TSPAN11: variants seen among roughly 807,000 people sequenced by gnomAD.
The protein encoded by TSPAN11 is tetraspanin 11.
A neutral mutation model predicts 32.9 loss-of-function variants in TSPAN11; 29 were observed. That is an observed-to-expected ratio of 0.88 (90% CI 0.66 to 1.20). The LOEUF (loss-of-function observed/expected upper bound fraction) is 1.20, where lower values mean the gene tolerates loss of function less well. TSPAN11 is among the 50% of genes most tolerant of loss of function. The pLI is 0.00. For synonymous variants in TSPAN11, 140 were observed against 141.3 expected (o/e 0.99, Z 0.07); for missense variants, 283 against 329.1 (o/e 0.86, Z 1.08).
intron 3 of TSPAN11, among the ~76,000 whole-genome samples, chr12:30,977,964 T>C (rs1193175109): frequency 6.6e-6 from 1 of 152,144 alleles, no homozygotes; most frequent in African/African-American, 2.4e-5. Context: ...GTTGTCACAG[T>C]CCACGCTGGT....
At chr12:30,998,394 C>T (rs145239729), downstream of TSPAN11, among the ~76,000 whole-genome samples, 23 of 152,342 alleles carry the variant, frequency 1.5e-4, no homozygotes, top group African/African-American at 2.9e-4. Context: ...TGGGTGGGGA[C>T]GCTGGTTCCC....
At chr12:30,950,902 G>A (rs1223711908) in intron 1 of TSPAN11, among the ~76,000 whole-genome samples, 1 of 152,140 alleles carries the variant, frequency 6.6e-6, no homozygotes, top group Non-Finnish European at 1.5e-5. Context: ...TAATGATTAA[G>A]AATTTGATCT....
At position 30,981,285 on chromosome 12, in the gene TSPAN11, G is replaced by A. The variant is rs576780450; in HGVS notation, c.457-1247G>A. On this transcript the variant is annotated intron_variant, in intron 5 of 7. Transcript: ENST00000546076. ...GCACCCGGCCCTCCAGCAGCAGCAC[G>A]TGGATGTAAATGACAGAGACACACA... 2.8e-4 allele frequency among the ~76,000 whole-genome samples: 42 copies of A among 152,334 alleles called. 1 individual carries two copies. In the South Asian group the frequency reaches 7.5e-3, roughly 27 times the overall value.
chr12:30,954,250 G>A, intron 2 of TSPAN11, 175 bp downstream of exon 2: 1 of 626,162 alleles, frequency 1.6e-6, no homozygotes, highest in Non-Finnish European at 2.9e-6. Flanking sequence ...TACTGAGAAA[G>A]AAGAAAAGAA....
intron 3 of TSPAN11, among the ~76,000 whole-genome samples, chr12:30,974,928 C>T (rs553342441): frequency 1.3e-5 from 2 of 152,270 alleles, no homozygotes; most frequent in East Asian, 1.9e-4. Context: ...GGCATTCAGA[C>T]GGTGGGGAGT....
intron 1 of TSPAN11, among the ~76,000 whole-genome samples, chr12:30,948,809 G>C (rs1401957243): frequency 6.6e-6 from 1 of 152,076 alleles, no homozygotes; most frequent in Non-Finnish European, 1.5e-5. Context: ...AGCTGGCTTG[G>C]ATTTCTCCTC....
At chr12:30,940,049 GCTTGTGAAAGA>G (rs1406491706) in intron 1 of TSPAN11, among the ~76,000 whole-genome samples, 1 of 152,206 alleles carries the variant, frequency 6.6e-6, no homozygotes. Context: ...CCCTGGGCTG[GCTTGTGAAAGA>G]CTCCCAAAGG....
the TSPAN11 span, among the ~76,000 whole-genome samples, chr12:31,005,207 C>T: frequency 6.6e-6 from 1 of 152,232 alleles, no homozygotes; most frequent in South Asian, 2.1e-4. Context: ...ACAGCCAACG[C>T]TTAACTTACC....
At position 30,991,755 on chromosome 12, in the gene TSPAN11, C is replaced by A. The variant is rs946563961; in HGVS notation, c.703-101C>A. 16 of 1,297,600 alleles carry A rather than the reference C, an allele frequency of 1.2e-5. No homozygotes were observed. The African/African-American group carries it at 1.8e-4, about 14-fold the overall frequency. The allele number at this position is 1,297,600 out of a possible 1,614,324, so 80.4% of individuals were successfully genotyped here. ...CAGGAATCTGCCCTTTGCCCAGGCCCCAGGGTATTCGAGTGAGCAGCACTG... is the reference window on the plus strand; with the variant it reads ...CAGGAATCTGCCCTTTGCCCAGGCCACAGGGTATTCGAGTGAGCAGCACTG... On this transcript the variant is annotated intron_variant, in intron 7 of 7. Transcript: ENST00000546076.
At chr12:31,008,163 T>C in the TSPAN11 span, among the ~76,000 whole-genome samples, 1 of 151,484 alleles carries the variant, frequency 6.6e-6, no homozygotes, top group Non-Finnish European at 1.5e-5. Flanking sequence ...TCTTATTACC[T>C]GAAGAATCTA....
At chr12:30,927,087 A>G in intron 1 of TSPAN11, 3 of 1,247,272 alleles carry the variant, frequency 2.4e-6, no homozygotes, top group Non-Finnish European at 3.1e-6. Context: ...GTGCCTTGGG[A>G]GAGAGCTCTG....
At chr12:30,972,455 G>C (rs554198546) in intron 3 of TSPAN11, among the ~76,000 whole-genome samples, 8 of 152,206 alleles carry the variant, frequency 5.3e-5, no homozygotes, top group African/African-American at 1.9e-4. Context: ...TGCCTGAGCT[G>C]AGAGTGTTGG....
intron 1 of TSPAN11, among the ~76,000 whole-genome samples, chr12:30,943,206 T>A (rs1299118844): frequency 1.3e-5 from 2 of 152,116 alleles, no homozygotes; most frequent in East Asian, 3.9e-4. Context: ...ATCCCCTCAT[T>A]CTTAGCTTCC....
At chr12:30,952,837 C>A (rs1388002014) in intron 1 of TSPAN11, among the ~76,000 whole-genome samples, 1 of 152,166 alleles carries the variant, frequency 6.6e-6, no homozygotes, top group East Asian at 1.9e-4. Context: ...ATAAGCCATG[C>A]CTCATTGCTT....
intron 2 of TSPAN11, among the ~76,000 whole-genome samples, chr12:30,957,305 G>A (rs2070874464): frequency 6.6e-6 from 1 of 150,760 alleles, no homozygotes; most frequent in African/African-American, 2.4e-5. Context: ...TCACAGTCGA[G>A]GGGGATATGC....
At chr12:30,953,650 T>G (rs1315657947) in intron 1 of TSPAN11, among the ~76,000 whole-genome samples, 1 of 152,152 alleles carries the variant, frequency 6.6e-6, no homozygotes, top group Non-Finnish European at 1.5e-5. Context: ...ACAGGTAAAC[T>G]TGTGTCCTGC....
At chr12:30,979,488 G>A in intron 4 of TSPAN11, 78 bp from the exon 5 acceptor site, 2 of 1,292,900 alleles carry the variant, frequency 1.5e-6, no homozygotes, top group South Asian at 1.2e-5. Flanking sequence ...TAGCTGGGGG[G>A]AGTTGGAAGT....
chr12:31,010,640 T>A, the TSPAN11 span, among the ~76,000 whole-genome samples: 42 of 151,646 alleles, frequency 2.8e-4, no homozygotes, highest in East Asian at 1.2e-3. Context: ...AAGAAAAAAA[T>A]TTTTAATTTA....
chr12:30,957,228 A>ACCCCCCCCCCCCCCCCCCCCC (rs56296744), intron 2 of TSPAN11, among the ~76,000 whole-genome samples: 1 of 107,404 alleles, frequency 9.3e-6, no homozygotes. Context: ...ATGGCCTGGG[A>ACCCCCCCCCCCCCCCCCCCCC]CCCCCCCCCC....
Sources: allele counts gnomAD v4.1 joint callset (sites outside exome capture counted in the v4.1 genomes callset), GRCh38; gene constraint gnomAD v4.1.1; transcripts MANE v1.5; gene names NCBI Gene and HGNC (gene_info 2026-07-23, HGNC 2026-07-21).